The following AADAC variants were observed in gnomAD, a reference collection of about 807,000 sequenced individuals.
The protein encoded by AADAC is arylacetamide deacetylase, also known as arylacetamide deacetylase (esterase).
In AADAC, 17 loss-of-function variants were observed where a neutral mutation model predicts 22.7. The ratio of observed to expected loss-of-function variants is 0.75; its 90% CI spans 0.51 to 1.12. The LOEUF (loss-of-function observed/expected upper bound fraction) is 1.12. Ranked by LOEUF, AADAC falls within the 50% of genes most tolerant of loss-of-function variation. The pLI is 0.00. For missense variants in AADAC, 465 were observed against 473.9 expected (o/e 0.98, Z 0.17); for synonymous variants, 167 against 176.3 (o/e 0.95, Z 0.42).
intron 4 of AADAC, among the ~76,000 whole-genome samples, chr3:151,827,175 G>A (rs1397789322): frequency 1.3e-5 from 2 of 151,916 alleles, no homozygotes; most frequent in Non-Finnish European, 2.9e-5. Flanking sequence ...GCCTTGCAAA[G>A]TTCTGGGATT....
chr3:151,825,717 C>T (rs1344499374), intron 4 of AADAC, among the ~76,000 whole-genome samples: 3 of 151,816 alleles, frequency 2.0e-5, no homozygotes, highest in East Asian at 1.9e-4. Flanking sequence ...TAACAAATGG[C>T]ATTTTTGTCC....
At chr3:151,826,635 T>C (rs1716508698) in intron 4 of AADAC, among the ~76,000 whole-genome samples, 1 of 152,050 alleles carries the variant, frequency 6.6e-6, no homozygotes, top group South Asian at 2.1e-4. Context: ...TTAACCTATA[T>C]GTTTTCACAA....
At chr3:151,816,940 T>A (rs1407940257) in intron 1 of AADAC, among the ~76,000 whole-genome samples, 1 of 151,954 alleles carries the variant, frequency 6.6e-6, no homozygotes, top group Non-Finnish European at 1.5e-5. Flanking sequence ...TAAAAATTTC[T>A]TTCAGACTTT....
intron 3 of AADAC, 133 bp downstream of exon 3, chr3:151,820,585 T>C: frequency 2.2e-6 from 1 of 461,428 alleles, no homozygotes; most frequent in Admixed American, 4.5e-5. Flanking sequence ...TGGCAGGATC[T>C]CGGCTCCCTG....
In AADAC at chr3:151,817,425, G is replaced by A. The variant is rs779079361; in HGVS notation, c.198G>A (p.Gly66=). The A allele has an allele frequency of 2.5e-6, 4 of 1,613,626 alleles. No homozygotes were observed. Among genetic ancestry groups the A allele is most frequent in the East Asian group, 2.2e-5 (1 of 44,888 alleles). Residue 66 remains glycine (G), a synonymous_variant, in exon 2 of 5, where the codon GGG becomes GGA. Transcript: ENST00000232892. ...TTATGGATTCCTTTAAGGTTGTCGG[G>A]AGCTTTGATGAAGTCCCACCAACCT... ...HHFMDSFKVV[G]SFDEVPPTSD... is the part of the protein sequence containing the mutation.
At chr3:151,822,735 G>A (rs1462947646) in intron 3 of AADAC, among the ~76,000 whole-genome samples, 1 of 151,944 alleles carries the variant, frequency 6.6e-6, no homozygotes, top group Non-Finnish European at 1.5e-5. Flanking sequence ...TGGGTTTGGA[G>A]GATGGGGAGA....
rs1716343469 is a variant in AADAC, at chr3:151,823,569, C to G, written c.432-1094C>G. 2.6e-5 allele frequency among the ~76,000 whole-genome samples: 4 copies of G among 151,752 alleles called. No individual in the cohort carries two copies. In the South Asian group the frequency reaches 8.3e-4, roughly 31 times the overall value. Reference sequence around the variant, plus strand: ...ACAAATTAAGACTATTATAAGATACCTGCATATACTCGAGATTATAGATAA... The same window carrying G: ...ACAAATTAAGACTATTATAAGATACGTGCATATACTCGAGATTATAGATAA... On this transcript the variant is annotated intron_variant, in intron 3 of 4. Coordinates refer to ENST00000232892, the MANE Select transcript of AADAC (RefSeq NM_001086.3).
Position 151,824,678 on chromosome 3 carries a change from T to G in AADAC, c.447T>G (p.Pro149=). ...CTCTCTACAGCTACAGATTAGCACC[T>G]AAGTATCATTTCCCAATTCAATTTG... The part of the protein sequence containing the change: ...VVVSTNYRLA[P]KYHFPIQFED... Residue 149 remains proline (P), a synonymous_variant, in exon 4 of 5, where the codon CCT becomes CCG. Transcript: ENST00000232892. The G allele has an allele frequency of 6.3e-7, 1 of 1,581,066 alleles. No individual in the cohort carries two copies. Among genetic ancestry groups the G allele is most frequent in the Non-Finnish European group, 8.6e-7 (1 of 1,166,038 alleles).
Position 151,824,688 on chromosome 3 carries a change from T to G in AADAC, c.457T>G (p.Phe153Val). ...TNYRLAPKYH[F>V]PIQFEDVYNA... Reference sequence around the variant, plus strand: ...CTACAGATTAGCACCTAAGTATCATTTCCCAATTCAATTTGAAGATGTATA... The same window carrying G: ...CTACAGATTAGCACCTAAGTATCATGTCCCAATTCAATTTGAAGATGTATA... Residue 153 changes from phenylalanine (F) to valine (V), a missense_variant, in exon 4 of 5, where the codon TTC (phenylalanine) becomes GTC (valine). Physicochemically the swap from Phe to Val is conservative, Grantham distance 50. Transcript: ENST00000232892. 2 of 1,585,044 alleles carry G rather than the reference T, an allele frequency of 1.3e-6. 1 individual carries two copies.
rs62272908 is a variant in AADAC at position 151,816,193 on chromosome 3, T to C, written c.139-1173T>C. Among the ~76,000 whole-genome samples the C allele has an allele frequency of 6.2e-3, 944 of 152,100 alleles. 18 individuals are homozygous for C. The highest frequency in any genetic ancestry group is 8.2e-3 in the Non-Finnish European group (555 of 67,940). On this transcript the variant is annotated intron_variant, in intron 1 of 4. Transcript: ENST00000232892. ...CTGCCCTCCCTTTTTCTCCCACTCA[T>C]TCCTTCCCTCCCAACCCTGACTCCC...
At chr3:151,815,346 C>T (rs919958711) in intron 1 of AADAC, among the ~76,000 whole-genome samples, 1 of 151,938 alleles carries the variant, frequency 6.6e-6, no homozygotes, top group Non-Finnish European at 1.5e-5. Flanking sequence ...AAAAACACCC[C>T]AGCTACAGAA....
intron 4 of AADAC, 86 bp from the exon 5 acceptor site, chr3:151,827,490 A>C (rs913150229): frequency 7.1e-6 from 6 of 850,496 alleles, no homozygotes; most frequent in Non-Finnish European, 7.3e-6. Flanking sequence ...GATAAAAACA[A>C]GATAGATAGA....
rs759409068 is a variant in AADAC at position 151,817,388 on chromosome 3, G to A, written c.161G>A (p.Gly54Glu). Residue 54 changes from glycine (G) to glutamate (E), a missense_variant, in exon 2 of 5, where the codon GGA (glycine) becomes GAA (glutamate). By Grantham distance (98) the Gly-to-Glu change is moderately conservative. Coordinates refer to ENST00000232892, the MANE Select transcript of AADAC (RefSeq NM_001086.3). Reference sequence around the variant, plus strand: ...TAGGCTACATTTGTGGAGCTCCTGGGACTTCACCATTTTATGGATTCCTTT... The same window carrying A: ...TAGGCTACATTTGTGGAGCTCCTGGAACTTCACCATTTTATGGATTCCTTT... ...QNLATFVELLGLHHFMDSFKV... is the reference protein window; with the variant it reads ...QNLATFVELLELHHFMDSFKV... 3.3e-5 allele frequency: 53 copies of A among 1,613,318 alleles called. No individual in the cohort carries two copies. Among genetic ancestry groups the A allele is most frequent in the Middle Eastern group, 1.6e-4 (1 of 6,076 alleles).
In AADAC at chr3:151,814,292, C is replaced by T. The variant is rs768491079; in HGVS notation, c.130C>T (p.Gln44Ter). Residue 44 changes from glutamine to a stop codon, truncating the protein, a stop_gained, in exon 1 of 5, where the codon CAA (glutamine) becomes TAA (stop). Coordinates refer to ENST00000232892, the MANE Select transcript of AADAC (RefSeq NM_001086.3). LOFTEE classifies it high-confidence loss of function. Reference protein sequence around the residue: ...MWINAHLKTIQNLATFVELLG... With the variant: ...MWINAHLKTI ...GATAAACGCACATCTGAAAACTATA[C>T]AAAATTTGGTAAGTTTGGAATTTTA... 7.5e-6 allele frequency: 12 copies of T among 1,610,644 alleles called. 1 individual carries two copies. The highest frequency in any genetic ancestry group is 2.7e-5 in the African/African-American group (2 of 74,650).
intron 3 of AADAC, 39 bp downstream of exon 3, chr3:151,820,491 G>C: frequency 1.7e-6 from 2 of 1,193,206 alleles, no homozygotes; most frequent in South Asian, 1.6e-5. Flanking sequence ...CCAGATGTCT[G>C]ACATGCCAAG....
At chr3:151,814,355 G>T in intron 1 of AADAC, 55 bp downstream of exon 1, 1 of 1,509,916 alleles carries the variant, frequency 6.6e-7, no homozygotes, top group South Asian at 1.3e-5. Context: ...TTGACCCAGA[G>T]AATTAAGTTT....
intron 1 of AADAC, among the ~76,000 whole-genome samples, chr3:151,816,870 A>C (rs944601634): frequency 2.0e-5 from 3 of 151,942 alleles, no homozygotes; most frequent in Non-Finnish European, 4.4e-5. Flanking sequence ...TGGTTAGCAA[A>C]AGTGGTCTTG....
rs1019038147 is a variant in AADAC, at chr3:151,827,923, G to A, written c.951G>A (p.Val317=). Residue 317 remains valine (V), a synonymous_variant, in exon 5 of 5, where the codon GTG becomes GTA. Transcript: ENST00000232892. The part of the protein sequence containing the change: ...LAKKYPGFLD[V]RAAPLLADDN... Reference sequence around the variant, plus strand: ...AAAAATATCCAGGGTTCCTAGATGTGAGGGCAGCCCCTTTGTTGGCTGATG... The same window carrying A: ...AAAAATATCCAGGGTTCCTAGATGTAAGGGCAGCCCCTTTGTTGGCTGATG... The A allele has an allele frequency of 2.5e-6, 4 of 1,611,564 alleles. No homozygotes were observed. Among genetic ancestry groups the A allele is most frequent in the Non-Finnish European group, 3.4e-6 (4 of 1,178,618 alleles).
chr3:151,821,263 A>C (rs77613564), intron 3 of AADAC, among the ~76,000 whole-genome samples: 1,584 of 152,136 alleles, frequency 0.01, 32 homozygotes, highest in African/African-American at 0.036. Flanking sequence ...AATATAGCGT[A>C]TAGTTTAGGC....
Sources: allele counts gnomAD v4.1 joint callset (sites outside exome capture counted in the v4.1 genomes callset), GRCh38; gene constraint gnomAD v4.1.1; transcripts MANE v1.5; gene names NCBI Gene and HGNC (gene_info 2026-07-23, HGNC 2026-07-21).